GSG1L: variants seen among roughly 807,000 people sequenced by gnomAD.
GSG1L encodes the protein germ cell-specific gene 1-like protein.
A neutral mutation model predicts 42.1 loss-of-function variants in GSG1L; 24 were observed. The ratio of observed to expected loss-of-function variants is 0.57; its 90% CI spans 0.41 to 0.80. The LOEUF (loss-of-function observed/expected upper bound fraction) is 0.80. Among genes scored for constraint, GSG1L ranks in the 30% least tolerant of loss-of-function variants. The pLI is 0.00. For missense variants in GSG1L, 445 were observed against 472.2 expected (o/e 0.94, Z 0.53); for synonymous variants, 215 against 203.5 (o/e 1.06, Z -0.48).
chr16:28,006,378 G>A (rs1419985554), intron 1 of GSG1L, among the ~76,000 whole-genome samples: 3 of 151,076 alleles, frequency 2.0e-5, no homozygotes, highest in African/African-American at 7.3e-5. Flanking sequence ...GTGTGATCTC[G>A]GCTCACTGCA....
chr16:27,842,052 A>G (rs1295550483), intron 4 of GSG1L, among the ~76,000 whole-genome samples: 10 of 151,870 alleles, frequency 6.6e-5, no homozygotes, highest in Non-Finnish European at 1.5e-4. Context: ...GTTAAATTTC[A>G]TATCAGTAGC....
intron 1 of GSG1L, among the ~76,000 whole-genome samples, chr16:27,981,614 C>A (rs1317595580): frequency 6.6e-6 from 1 of 152,106 alleles, no homozygotes. Context: ...CAGATGGTAC[C>A]ATGCCTTGAT....
intron 3 of GSG1L, among the ~76,000 whole-genome samples, chr16:27,871,190 G>A (rs1186977750): frequency 6.6e-6 from 1 of 152,112 alleles, no homozygotes; most frequent in Non-Finnish European, 1.5e-5. Context: ...TGGGGAGGGG[G>A]TGCCACTGAC....
At chr16:27,934,394 G>A (rs2084691532) in intron 2 of GSG1L, among the ~76,000 whole-genome samples, 1 of 152,134 alleles carries the variant, frequency 6.6e-6, no homozygotes, top group South Asian at 2.1e-4. Flanking sequence ...AATTAGCCAG[G>A]CATGATGGCA....
intron 6 of GSG1L, among the ~76,000 whole-genome samples, chr16:27,793,980 A>G (rs191851048): frequency 6.6e-6 from 1 of 152,288 alleles, no homozygotes; most frequent in East Asian, 1.9e-4. Context: ...ACCAAGGAGA[A>G]TGTGGGCTCA....
intron 1 of GSG1L, among the ~76,000 whole-genome samples, chr16:28,027,734 A>G (rs1450061826): frequency 6.6e-6 from 1 of 152,070 alleles, no homozygotes; most frequent in Non-Finnish European, 1.5e-5. Flanking sequence ...TAGAAGTAAG[A>G]GTCTTGGCCA....
At chr16:27,941,741 G>C (rs2084800225) in intron 2 of GSG1L, among the ~76,000 whole-genome samples, 1 of 151,968 alleles carries the variant, frequency 6.6e-6, no homozygotes, top group South Asian at 2.1e-4. Flanking sequence ...GATAAACCAG[G>C]TGTGTTACAT....
At chr16:27,948,104 A>C (rs999204939) in intron 2 of GSG1L, among the ~76,000 whole-genome samples, 1 of 152,116 alleles carries the variant, frequency 6.6e-6, no homozygotes, top group African/African-American at 2.4e-5. Flanking sequence ...TTGCTGGGGC[A>C]GTCTTTTCTA....
chr16:27,942,456 G>A (rs1370092584), intron 2 of GSG1L, among the ~76,000 whole-genome samples: 1 of 128,300 alleles, frequency 7.8e-6, no homozygotes, highest in Non-Finnish European at 1.7e-5. Context: ...GGCCAAAAAT[G>A]AGAACTTCTT....
intron 1 of GSG1L, among the ~76,000 whole-genome samples, chr16:28,031,852 T>C (rs1210267708): frequency 6.6e-6 from 1 of 152,258 alleles, no homozygotes; most frequent in Non-Finnish European, 1.5e-5. Flanking sequence ...CGAACCTCCA[T>C]GCCAGGGGCC....
chr16:27,935,043 T>G (rs2084698754), intron 2 of GSG1L, among the ~76,000 whole-genome samples: 1 of 152,188 alleles, frequency 6.6e-6, no homozygotes, highest in East Asian at 1.9e-4. Flanking sequence ...TTTCGGGGAT[T>G]TGCAGGAGGG....
intron 1 of GSG1L, among the ~76,000 whole-genome samples, chr16:27,997,504 A>G (rs767339971): frequency 6.6e-6 from 1 of 151,386 alleles, no homozygotes. Flanking sequence ...GACTCATGGA[A>G]TGAGGTCAGG....
intron 3 of GSG1L, among the ~76,000 whole-genome samples, chr16:27,853,687 C>A (rs1330533217): frequency 6.6e-6 from 1 of 152,154 alleles, no homozygotes; most frequent in Non-Finnish European, 1.5e-5. Context: ...TGGTCCAAAT[C>A]GGAGGTGGCA....
chr16:27,850,023 C>T (rs1461170008), intron 3 of GSG1L, among the ~76,000 whole-genome samples: 5 of 70,066 alleles, frequency 7.1e-5, no homozygotes, highest in Non-Finnish European at 9.6e-5. Context: ...TTTGAAATGC[C>T]TTTTTTTTTT....
At chr16:28,017,914 A>G (rs80099869) in intron 1 of GSG1L, among the ~76,000 whole-genome samples, 6,125 of 152,248 alleles carry the variant, frequency 0.04, 389 homozygotes, top group African/African-American at 0.14. Flanking sequence ...CACACAAGGA[A>G]TGTCTAAGAC....
At chr16:27,872,450 G>A (rs1345490747) in intron 3 of GSG1L, among the ~76,000 whole-genome samples, 1 of 152,200 alleles carries the variant, frequency 6.6e-6, no homozygotes, top group Non-Finnish European at 1.5e-5. Flanking sequence ...GGGACAATAA[G>A]AGCACCTACC....
rs1219099988 is a variant in GSG1L at position 27,789,009 on chromosome 16, T to C, written c.*2361A>G. 1 of 152,238 alleles carries C rather than the reference T, an allele frequency of 6.6e-6. No homozygotes were observed. Among genetic ancestry groups the C allele is most frequent in the Non-Finnish European group, 1.5e-5 (1 of 68,046 alleles). The allele number at this position is 152,238 out of a possible 1,614,324, so 9.4% of individuals were successfully genotyped here. ...CACATAGTAGGGGCACAGTGAACTA[T>C]ATCAGTGAATAGATGGATGCACAGC... On this transcript the variant is annotated 3_prime_UTR_variant, in exon 7 of 7. Coordinates refer to ENST00000447459, the MANE Select transcript of GSG1L (RefSeq NM_001109763.2).
chr16:27,843,767 T>A (rs2140982458), intron 4 of GSG1L, among the ~76,000 whole-genome samples: 1 of 152,272 alleles, frequency 6.6e-6, no homozygotes, highest in South Asian at 2.1e-4. Flanking sequence ...TTTGACTCAT[T>A]CTTTGCTCCA....
At chr16:28,046,563 C>T (rs2086161955) in intron 1 of GSG1L, among the ~76,000 whole-genome samples, 1 of 152,018 alleles carries the variant, frequency 6.6e-6, no homozygotes, top group South Asian at 2.1e-4. Flanking sequence ...ACCGTGTTAG[C>T]CAGGATGGTC....
Sources: gnomAD v4.1 joint callset for allele counts (sites outside exome capture counted in the v4.1 genomes callset) on GRCh38, gnomAD v4.1.1 for gene constraint, MANE v1.5 for transcripts, NCBI Gene and HGNC (gene_info 2026-07-23, HGNC 2026-07-21) for gene names.